Variants in EMP2 observed in about 807,000 individuals in gnomAD.
The protein encoded by EMP2 is epithelial membrane protein 2.
A neutral mutation model predicts 13.7 loss-of-function variants in EMP2; 19 were observed. The ratio of observed to expected loss-of-function variants is 1.38; its 90% confidence interval spans 0.97 to 2.03. The LOEUF (loss-of-function observed/expected upper bound fraction) is 2.03, where lower values mean the gene tolerates loss of function less well. Among genes scored for constraint, EMP2 ranks in the 30% most tolerant of loss-of-function variants. The pLI is 0.00. For synonymous variants in EMP2, 97 were observed against 84.7 expected, an observed-to-expected ratio of 1.15 and a Z score of -0.80; for missense variants, 253 against 220.7, an observed-to-expected ratio of 1.15 and a Z score of -0.93.
intron 1 of EMP2, among the ~76,000 whole-genome samples, chr16:10,577,534 G>T (rs1409229116): frequency 6.6e-6 from 1 of 152,096 alleles, no homozygotes; most frequent in Non-Finnish European, 1.5e-5. Flanking sequence ...GGGGTGAGAA[G>T]GGGAGACTGC....
chr16:10,547,920 G>T (rs2050752061), intron 1 of EMP2, among the ~76,000 whole-genome samples: 1 of 152,082 alleles, frequency 6.6e-6, no homozygotes, highest in Non-Finnish European at 1.5e-5. Context: ...TGCAGTCCCA[G>T]CTACTTAGGA....
At chr16:10,554,102 G>A (rs1402503889) in intron 1 of EMP2, among the ~76,000 whole-genome samples, 1 of 151,420 alleles carries the variant, frequency 6.6e-6, no homozygotes, top group Non-Finnish European at 1.5e-5. Flanking sequence ...CGTGATATCG[G>A]CTCACTGCAA....
At chr16:10,553,647 A>G (rs1377869908) in intron 1 of EMP2, among the ~76,000 whole-genome samples, 1 of 152,202 alleles carries the variant, frequency 6.6e-6, no homozygotes, top group Non-Finnish European at 1.5e-5. Flanking sequence ...TAGCTTTTCT[A>G]ATAATATCCC....
chr16:10,571,358 G>T (rs1256631923), intron 1 of EMP2, among the ~76,000 whole-genome samples: 1 of 151,606 alleles, frequency 6.6e-6, no homozygotes, highest in African/African-American at 2.4e-5. Flanking sequence ...CCAGAGAAGG[G>T]GTTAGACCAG....
chr16:10,566,983 T>G (rs561722136), intron 1 of EMP2, among the ~76,000 whole-genome samples: 6 of 152,344 alleles, frequency 3.9e-5, no homozygotes, highest in African/African-American at 1.4e-4. Context: ...TTCTGGAATG[T>G]TCTTAGATCT....
intron 3 of EMP2, among the ~76,000 whole-genome samples, chr16:10,540,158 C>T (rs1361417023): frequency 2.0e-5 from 3 of 152,104 alleles, no homozygotes; most frequent in South Asian, 2.1e-4. Flanking sequence ...CCAGTGAGGA[C>T]GGGAAACTAC....
intron 1 of EMP2, among the ~76,000 whole-genome samples, chr16:10,550,490 C>T (rs905301441): frequency 4.6e-5 from 7 of 152,070 alleles, no homozygotes; most frequent in Non-Finnish European, 1.0e-4. Context: ...AATTTGTGTT[C>T]GATGTTTCCT....
At chr16:10,543,057 G>T (rs1274422967) in intron 3 of EMP2, among the ~76,000 whole-genome samples, 1 of 152,166 alleles carries the variant, frequency 6.6e-6, no homozygotes, top group East Asian at 1.9e-4. Context: ...TATTGACCAG[G>T]CTGGTCTCAA....
In EMP2 at chr16:10,569,893, G is replaced by A. The variant is rs1247886350; in HGVS notation, c.-61+10656C>T. Among the ~76,000 whole-genome samples, 5 of 152,178 alleles carry A rather than the reference G, an allele frequency of 3.3e-5. No homozygotes were observed. In the South Asian group the frequency reaches 1.0e-3, roughly 31 times the overall value. ...GCTGATCATGCCACTCGGGCCTGAT[G>A]TGGCTCCAGACAGAGCCAACTGCAG... is the stretch of plus-strand genomic sequence containing the variant. On this transcript the variant is annotated intron_variant, in intron 1 of 4. Transcript: ENST00000359543.
chr16:10,538,086 G>T lies in EMP2; in HGVS notation c.170-12C>A. 4 of 1,612,912 alleles carry T rather than the reference G, an allele frequency of 2.5e-6. No homozygotes were observed. The highest frequency in any genetic ancestry group is 3.4e-6 in the Non-Finnish European group (4 of 1,179,752). The stretch of plus-strand genomic sequence containing the variant: ...CAGCGTGGAGTACTCTGCGGGAAAA[G>T]GGCAGGGGCGCAGGACTGAGGACCT... On this transcript the variant is annotated splice_polypyrimidine_tract_variant and intron_variant, in intron 3 of 4. Transcript: ENST00000359543.
chr16:10,568,409 G>T (rs2050923838), intron 1 of EMP2, among the ~76,000 whole-genome samples: 1 of 152,106 alleles, frequency 6.6e-6, no homozygotes, highest in African/African-American at 2.4e-5. Flanking sequence ...GTATTCACAG[G>T]TGCCTCTCAG....
At chr16:10,535,981 G>C (rs2050644062) in intron 4 of EMP2, among the ~76,000 whole-genome samples, 1 of 152,184 alleles carries the variant, frequency 6.6e-6, no homozygotes, top group Non-Finnish European at 1.5e-5. Context: ...GGGCAGGCTG[G>C]GGCCTTGGGA....
chr16:10,579,115 G>A (rs556941627), intron 1 of EMP2, among the ~76,000 whole-genome samples: 1 of 152,266 alleles, frequency 6.6e-6, no homozygotes, highest in East Asian at 1.9e-4. Context: ...CAGGGGTGAG[G>A]CTCCCAGGGA....
intron 4 of EMP2, among the ~76,000 whole-genome samples, chr16:10,535,647 C>T (rs2050641302): frequency 6.6e-6 from 1 of 152,102 alleles, no homozygotes; most frequent in Non-Finnish European, 1.5e-5. Context: ...GAGGCCGAGG[C>T]TGCAGTGAGC....
At chr16:10,536,332 G>A (rs550442833) in intron 4 of EMP2, among the ~76,000 whole-genome samples, 1 of 152,168 alleles carries the variant, frequency 6.6e-6, no homozygotes, top group South Asian at 2.1e-4. Context: ...GCTATGGTTT[G>A]GCTGTGTCCC....
Position 10,547,285 on chromosome 16 carries a change from G to A in EMP2, c.78+255C>T, listed in dbSNP as rs181242294. On this transcript the variant is annotated intron_variant, in intron 2 of 4. Transcript: ENST00000359543. ...GTGAATAAGTCTCACGAGATCTGAC[G>A]GTTTTATAAAGGGCAGTTCCCCTGC... 5.2e-4 allele frequency: 215 copies of A among 412,012 alleles called. No individual in the cohort carries two copies. The East Asian group carries it at 6.5e-3, about 12-fold the overall frequency. The allele number at this position is 412,012 out of a possible 1,614,324, so 25.5% of individuals were successfully genotyped here. A position where few individuals can be genotyped will look rare whatever the true frequency, so the allele number is the denominator to read the frequency against.
chr16:10,547,807 A>G, intron 1 of EMP2, 130 bp from the exon 2 acceptor site: 2 of 575,934 alleles, frequency 3.5e-6, no homozygotes, highest in Middle Eastern at 4.8e-4. Context: ...AGAAGGTGGG[A>G]AGATCACTTG....
Position 10,530,504 on chromosome 16 carries a change from A to C in EMP2, c.*2401T>G, listed in dbSNP as rs1051272591. ...AGCACGAGGTCCCACACCCCATCCC[A>C]GGACAGCCCCCAGCATCCTGCTCCA... On this transcript the variant is annotated 3_prime_UTR_variant, in exon 5 of 5. Transcript: ENST00000359543. The C allele has an allele frequency of 5.2e-5, 8 of 152,620 alleles. No homozygotes were observed. Among genetic ancestry groups the C allele is most frequent in the African/African-American group, 1.9e-4 (8 of 41,418 alleles). The allele number at this position is 152,620 out of a possible 1,614,324, so 9.5% of individuals were successfully genotyped here. A position where few individuals can be genotyped will look rare whatever the true frequency, so the allele number is the denominator to read the frequency against.
At chr16:10,561,577 T>C (rs1020075233) in intron 1 of EMP2, among the ~76,000 whole-genome samples, 2 of 151,988 alleles carry the variant, frequency 1.3e-5, no homozygotes, top group African/African-American at 2.4e-5. Context: ...GAGGGAGAAT[T>C]AGCTCATTGG....
Sources: allele counts gnomAD v4.1 joint callset (sites outside exome capture counted in the v4.1 genomes callset), GRCh38; gene constraint gnomAD v4.1.1; transcripts MANE v1.5; gene names NCBI Gene and HGNC (gene_info 2026-07-23, HGNC 2026-07-21).